TRAPPC9: variants seen among roughly 807,000 people sequenced by gnomAD.
TRAPPC9 encodes IKK2 binding protein.
Under a neutral mutation model 124.0 loss-of-function variants are expected in TRAPPC9, and 83 were observed. The ratio of observed to expected loss-of-function variants is 0.67; its 90% confidence interval spans 0.56 to 0.80. The LOEUF (loss-of-function observed/expected upper bound fraction) is 0.80. Among genes scored for constraint, TRAPPC9 ranks in the 30% least tolerant of loss-of-function variants. The pLI is 0.00. For synonymous variants in TRAPPC9, 638 were observed against 617.5 expected (o/e 1.03, Z -0.49); for missense variants, 1,302 against 1,508.3 (o/e 0.86, Z 2.27).
chr8:139,799,026 C>A (rs532880422), intron 21 of TRAPPC9, among the ~76,000 whole-genome samples: 4 of 152,128 alleles, frequency 2.6e-5, no homozygotes, highest in Admixed American at 6.5e-5. Flanking sequence ...TCCCCCATCT[C>A]CCTCTTAGAA....
chr8:139,884,634 G>T (rs1169672231), intron 21 of TRAPPC9, among the ~76,000 whole-genome samples: 1 of 152,238 alleles, frequency 6.6e-6, no homozygotes, highest in Non-Finnish European at 1.5e-5. Flanking sequence ...TGAGTCTAGG[G>T]ACACGGCTGA....
At chr8:139,745,979 G>C (rs1818857086) in intron 21 of TRAPPC9, among the ~76,000 whole-genome samples, 1 of 152,370 alleles carries the variant, frequency 6.6e-6, no homozygotes, top group South Asian at 2.1e-4. Flanking sequence ...GGACAAGCCT[G>C]TTTTGGTTTA....
chr8:140,136,003 AG>A (rs2061297886), intron 17 of TRAPPC9, among the ~76,000 whole-genome samples: 1 of 152,326 alleles, frequency 6.6e-6, no homozygotes, highest in South Asian at 2.1e-4. Flanking sequence ...AACTCCAATC[AG>A]GAAAAGATGA....
At chr8:139,967,701 G>A (rs1300936654) in intron 19 of TRAPPC9, among the ~76,000 whole-genome samples, 1 of 152,228 alleles carries the variant, frequency 6.6e-6, no homozygotes, top group Admixed American at 6.5e-5. Context: ...ACAACTGGCT[G>A]TTCATGGCCT....
intron 19 of TRAPPC9, among the ~76,000 whole-genome samples, chr8:139,956,788 A>G (rs1466202937): frequency 2.0e-5 from 3 of 152,048 alleles, no homozygotes; most frequent in African/African-American, 4.8e-5. Context: ...CTACTCCCCT[A>G]TCCCTACAGA....
Position 140,253,356 on chromosome 8 carries a change from A to G in TRAPPC9, c.2279-427T>C, listed in dbSNP as rs980676283. Among the ~76,000 whole-genome samples the G allele has an allele frequency of 3.9e-5, 6 of 152,114 alleles. No homozygotes were observed. In the South Asian group the frequency reaches 1.2e-3, roughly 32 times the overall value. ...AGGGAAAGTGTATATTTAATATGAG[A>G]CACCTCTTCACAAAAAGAGAATAAA... On this transcript the variant is annotated intron_variant, in intron 15 of 22. Transcript: ENST00000438773.
At position 139,971,754 on chromosome 8, in the gene TRAPPC9, C is replaced by CACACACACACAT. The variant is rs1554598190; in HGVS notation, c.2810+16960_2810+16971dup. On this transcript the variant is annotated intron_variant, in intron 19 of 22. Transcript: ENST00000438773. ...ACACACACACATATATATATACACACACACACACACATATATATATACACA... is the reference window on the plus strand; with the variant it reads ...ACACACACACATATATATATACACACACACACACACATACACACACACATATATATATACACA... Among the ~76,000 whole-genome samples the CACACACACACAT allele has an allele frequency of 2.7e-3, 399 of 146,166 alleles. 5 individuals are homozygous for CACACACACACAT. The highest frequency in any genetic ancestry group is 9.1e-3 in the African/African-American group (355 of 39,150).
At chr8:140,003,411 C>A (rs199604995) in intron 18 of TRAPPC9, among the ~76,000 whole-genome samples, 1 of 151,766 alleles carries the variant, frequency 6.6e-6, no homozygotes, top group East Asian at 1.9e-4. Flanking sequence ...TGTTTGTGAA[C>A]AACAAAAACC....
At chr8:140,339,957 C>G (rs1256695129) in intron 9 of TRAPPC9, among the ~76,000 whole-genome samples, 1 of 143,966 alleles carries the variant, frequency 6.9e-6, no homozygotes, top group Non-Finnish European at 1.6e-5. Context: ...ATTCTCCTGT[C>G]TCAGCCTCCC....
Position 139,822,879 on chromosome 8 carries a change from TCA to T in TRAPPC9, c.3055+62998_3055+62999del, listed in dbSNP as rs557853792. Among the ~76,000 whole-genome samples the T allele has an allele frequency of 3.5e-3, 532 of 152,328 alleles. 4 individuals are homozygous for T. Among genetic ancestry groups the T allele is most frequent in the African/African-American group, 0.012 (484 of 41,584 alleles). ...GGCTTAAACAACAGACATTGATTTC[TCA>T]CAGTTCTGGAGGCTACAAGTCCAAG... On this transcript the variant is annotated intron_variant, in intron 21 of 22. Coordinates refer to ENST00000438773, the MANE Select transcript of TRAPPC9 (RefSeq NM_001160372.4).
chr8:139,893,119 C>T (rs1039379497), intron 20 of TRAPPC9, among the ~76,000 whole-genome samples: 5 of 152,236 alleles, frequency 3.3e-5, no homozygotes, highest in East Asian at 1.9e-4. Flanking sequence ...CCGTGTTTCT[C>T]GTAGCCCTGG....
chr8:140,116,154 G>A (rs2060883095), intron 17 of TRAPPC9, among the ~76,000 whole-genome samples: 1 of 152,192 alleles, frequency 6.6e-6, no homozygotes, highest in Admixed American at 6.5e-5. Context: ...CAGGGTGTGT[G>A]TCTGTCTGAT....
At chr8:139,886,067 T>A in intron 20 of TRAPPC9, 98 bp from the exon 21 acceptor site, 1 of 1,112,228 alleles carries the variant, frequency 9.0e-7, no homozygotes, top group African/African-American at 1.5e-5. Context: ...GGAAACCTCC[T>A]ACAGCAGATG....
intron 7 of TRAPPC9, among the ~76,000 whole-genome samples, chr8:140,378,320 G>C (rs1316054434): frequency 6.6e-6 from 1 of 152,076 alleles, no homozygotes; most frequent in Non-Finnish European, 1.5e-5. Context: ...CGGTGGGCTG[G>C]GAGAGGCAGA....
At chr8:140,072,769 A>ATG (rs941354305) in intron 17 of TRAPPC9, among the ~76,000 whole-genome samples, 1 of 148,618 alleles carries the variant, frequency 6.7e-6, no homozygotes, top group African/African-American at 2.5e-5. Flanking sequence ...ATATGTGCAT[A>ATG]TGTATATATA....
chr8:140,336,718 T>C (rs114418753), intron 9 of TRAPPC9, among the ~76,000 whole-genome samples: 59 of 152,296 alleles, frequency 3.9e-4, no homozygotes, highest in African/African-American at 1.3e-3. Context: ...TCTCATCCAA[T>C]CCTTGTCTTT....
Position 140,152,058 on chromosome 8 carries a change from G to T in TRAPPC9, c.2556+69401C>A, listed in dbSNP as rs527777716. Among the ~76,000 whole-genome samples, 5 of 152,122 alleles carry T rather than the reference G, an allele frequency of 3.3e-5. No homozygotes were observed. The South Asian group carries it at 1.0e-3, about 32-fold the overall frequency. ...TTGCTTCCCAGCTCTATGACCTTGG[G>T]CTGGTTATTTCCCATTTCCTCGCCT... On this transcript the variant is annotated intron_variant, in intron 17 of 22. Coordinates refer to ENST00000438773, the MANE Select transcript of TRAPPC9 (RefSeq NM_001160372.4).
At chr8:139,999,123 C>T (rs1192706713) in intron 18 of TRAPPC9, among the ~76,000 whole-genome samples, 2 of 151,268 alleles carry the variant, frequency 1.3e-5, no homozygotes, top group African/African-American at 4.9e-5. Context: ...TCAAACATAC[C>T]AAGAATTACA....
rs1283189851 is a variant in TRAPPC9 at position 140,257,746 on chromosome 8, A to G, written c.2279-4817T>C. Among the ~76,000 whole-genome samples, 1 of 151,962 alleles carries G rather than the reference A, an allele frequency of 6.6e-6. No homozygotes were observed. Among genetic ancestry groups the G allele is most frequent in the Non-Finnish European group, 1.5e-5 (1 of 67,998 alleles). ...TTTAATACCCAGGTCCAGGGTATCT[A>G]CTCAGATATGCAACCATCCCAGCCC... On this transcript the variant is annotated intron_variant, in intron 15 of 22. Transcript: ENST00000438773. The surrounding 1 kb of genome is among the most constrained non-coding windows in gnomAD (Gnocchi z 4.6).
Sources: allele counts gnomAD v4.1 joint callset (sites outside exome capture counted in the v4.1 genomes callset), GRCh38; gene constraint gnomAD v4.1.1; non-coding constraint Gnocchi (gnomAD v3.1); transcripts MANE v1.5; gene names NCBI Gene and HGNC (gene_info 2026-07-23, HGNC 2026-07-21).